The following WDR64 variants were observed in gnomAD, a reference collection of about 807,000 sequenced individuals.
The protein encoded by WDR64 is WD repeat domain 64.
WDR64 carries 112 observed loss-of-function variants against 139.3 expected under a neutral mutation model. That is an observed-to-expected ratio of 0.80 (90% confidence interval 0.69 to 0.94). The LOEUF is 0.94. WDR64 is among the 40% of genes least tolerant of loss of function. The pLI, the probability that WDR64 is intolerant of heterozygous loss-of-function variation, is 0.00. For synonymous variants in WDR64, 444 were observed against 437.7 expected (o/e 1.01, Z -0.18); for missense variants, 1,206 against 1,293.1 (o/e 0.93, Z 1.03).
chr1:241,789,640 T>C (rs932205457), intron 24 of WDR64, among the ~76,000 whole-genome samples: 2 of 152,146 alleles, frequency 1.3e-5, no homozygotes, highest in Non-Finnish European at 2.9e-5. Flanking sequence ...GAAAACCTAA[T>C]ACTGCATGTT....
intron 3 of WDR64, among the ~76,000 whole-genome samples, chr1:241,672,702 G>A (rs1294813418): frequency 3.3e-5 from 5 of 152,194 alleles, no homozygotes; most frequent in Non-Finnish European, 5.9e-5. Context: ...AAGCAGGAAT[G>A]TGGGAAGGAG....
At chr1:241,783,432 GTAAAGGATTT>G in intron 23 of WDR64, 51 bp downstream of exon 23, 1 of 1,395,776 alleles carries the variant, frequency 7.2e-7, no homozygotes. Context: ...AGCATGAGAG[GTAAAGGATTT>G]TAAGCTAAAG....
At chr1:241,701,721 A>C (rs950168328) in intron 8 of WDR64, among the ~76,000 whole-genome samples, 7 of 152,086 alleles carry the variant, frequency 4.6e-5, no homozygotes, top group African/African-American at 1.7e-4. Context: ...CTTGGGCCAC[A>C]CTCCTAAATC....
intron 22 of WDR64, among the ~76,000 whole-genome samples, chr1:241,781,419 G>T (rs12747803): frequency 1.1e-4 from 16 of 152,074 alleles, no homozygotes; most frequent in African/African-American, 3.1e-4. Flanking sequence ...ATAGAACCTG[G>T]CTATAAAATG....
intron 13 of WDR64, among the ~76,000 whole-genome samples, chr1:241,745,333 G>T (rs1257303406): frequency 8.3e-6 from 1 of 120,202 alleles, no homozygotes; most frequent in Non-Finnish European, 1.9e-5. Flanking sequence ...GAGTTGATGG[G>T]GTATGAATAA....
Position 241,683,596 on chromosome 1 carries a change from G to T in WDR64, c.734G>T (p.Gly245Val). The change falls in exon 7 of 28, where the codon GGT (glycine) becomes GTT (valine). Residue 245 changes from glycine to valine, a missense_variant. Coordinates refer to ENST00000437684, the MANE Select transcript of WDR64 (RefSeq NM_001367482.1). ...GACATCCTCTTGGGGGATGATGGGG[G>T]TTTTGTGAACAGATTCACAGTCAAC... ...RDDILLGDDG[G>V]FVNRFTVNSD... The T allele has an allele frequency of 1.9e-6, 3 of 1,551,606 alleles. No individual in the cohort carries two copies. The highest frequency in any genetic ancestry group is 2.6e-6 in the Non-Finnish European group (3 of 1,146,976).
rs56011225 is a variant in WDR64, at chr1:241,658,284, G to GGTGTGTGTGTGT, written c.146-2227_146-2216dup. On this transcript the variant is annotated intron_variant, in intron 1 of 27. Transcript: ENST00000437684. ...TTGACAAAATCAAGATTCAAGCAAT[G>GGTGTGTGTGTGT]GTGTGTGTGTGTGTGTGTGTGTGTG... Among the ~76,000 whole-genome samples the GGTGTGTGTGTGT allele has an allele frequency of 8.3e-3, 1,224 of 147,232 alleles. 16 individuals are homozygous for GGTGTGTGTGTGT. The highest frequency in any genetic ancestry group is 0.028 in the African/African-American group (1,114 of 39,822).
chr1:241,712,070 T>C (rs1668192610), intron 9 of WDR64, among the ~76,000 whole-genome samples, 189 bp downstream of exon 9: 1 of 152,346 alleles, frequency 6.6e-6, no homozygotes, highest in Middle Eastern at 3.4e-3. Context: ...CCCAAGAGTG[T>C]GTGAGAGAAA....
chr1:241,736,985 CAATAA>C (rs1399285909), intron 10 of WDR64, among the ~76,000 whole-genome samples: 1 of 152,120 alleles, frequency 6.6e-6, no homozygotes, highest in African/African-American at 2.4e-5. Context: ...TTAGCCAAGG[CAATAA>C]AATAAAAAAC....
intron 4 of WDR64, chr1:241,677,262 AAG>A (rs1197530792): frequency 1.3e-5 from 5 of 398,088 alleles, no homozygotes; most frequent in African/African-American, 1.0e-4. Context: ...TATATAGAGA[AAG>A]AGAAACAGAA....
chr1:241,784,953 G>GGATA (rs766802128), intron 23 of WDR64, among the ~76,000 whole-genome samples: 1 of 62,250 alleles, frequency 1.6e-5, no homozygotes, highest in Non-Finnish European at 3.1e-5. Context: ...GACTCTGTCT[G>GGATA]AAAAAAAAAA....
rs190767052 is a variant in WDR64 at position 241,747,874 on chromosome 1, C to T, written c.1595-1673C>T. On this transcript the variant is annotated intron_variant, in intron 13 of 27. Coordinates refer to ENST00000437684, the MANE Select transcript of WDR64 (RefSeq NM_001367482.1). The stretch of plus-strand genomic sequence containing the variant: ...AGTGATGAGAAGGAAATTGGGCTGG[C>T]ATTCAGGTGGGTGAGAATGTAGTCA... Among the ~76,000 whole-genome samples the T allele has an allele frequency of 4.8e-3, 738 of 152,278 alleles. 5 individuals carry two copies. The highest frequency in any genetic ancestry group is 0.017 in the African/African-American group (706 of 41,566).
rs140795124 is a variant in WDR64, at chr1:241,768,299, A to G, written c.2082-1105A>G. 8.8e-4 allele frequency among the ~76,000 whole-genome samples: 134 copies of G among 152,340 alleles called. 1 individual carries two copies. In the East Asian group the frequency reaches 0.023, roughly 26 times the overall value. On this transcript the variant is annotated intron_variant, in intron 16 of 27. Transcript: ENST00000437684. ...TAATCAGTGCAGTATTTTGCAAAAC[A>G]TATGATTTAGCACAGATCTGTGGAA...
At position 241,655,587 on chromosome 1, in the gene WDR64, C is replaced by A. The variant is rs1025917681; in HGVS notation, c.145+2958C>A. On this transcript the variant is annotated intron_variant, in intron 1 of 27. Transcript: ENST00000437684. ...CCAGCTTTTCAGTCTCAACTCCTGG[C>A]ATTTCCCTTCATGCACCTTCTGCCC... is the stretch of plus-strand genomic sequence containing the variant. Among the ~76,000 whole-genome samples the A allele has an allele frequency of 2.0e-5, 3 of 152,182 alleles. No individual in the cohort carries two copies. In the East Asian group the frequency reaches 5.8e-4, roughly 29 times the overall value.
chr1:241,739,960 G>A (rs1472840588), intron 11 of WDR64, among the ~76,000 whole-genome samples: 1 of 149,132 alleles, frequency 6.7e-6, no homozygotes, highest in Non-Finnish European at 1.5e-5. Context: ...GTATTTTGTT[G>A]CTGCTGTCAC....
chr1:241,678,848 A>G (rs1411834919), intron 5 of WDR64, among the ~76,000 whole-genome samples: 1 of 106,980 alleles, frequency 9.3e-6, no homozygotes, highest in African/African-American at 3.7e-5. Context: ...CTGAACCTCC[A>G]TTTCTTAAAC....
intron 15 of WDR64, among the ~76,000 whole-genome samples, chr1:241,759,578 C>A (rs1022988358): frequency 5.9e-5 from 9 of 152,116 alleles, no homozygotes; most frequent in Non-Finnish European, 1.0e-4. Flanking sequence ...AAATACTTGG[C>A]TCCCTCTCTA....
rs777780740 is a variant in WDR64 at position 241,796,244 on chromosome 1, T to G, written c.3079-13T>G. On this transcript the variant is annotated splice_polypyrimidine_tract_variant and intron_variant, in intron 26 of 27. Coordinates refer to ENST00000437684, the MANE Select transcript of WDR64 (RefSeq NM_001367482.1). ...CTTTGAGTGTGTCTCACTGACTAAT[T>G]TATGGCTTCCAGATATCAAGCCCCA... 3 of 1,596,396 alleles carry G rather than the reference T, an allele frequency of 1.9e-6. No homozygotes were observed. The highest frequency in any genetic ancestry group is 2.7e-5 in the African/African-American group (2 of 74,348).
chr1:241,652,757 T>A, intron 1 of WDR64, 128 bp downstream of exon 1: 1 of 1,101,748 alleles, frequency 9.1e-7, no homozygotes, highest in Non-Finnish European at 1.2e-6. Context: ...GATGAAGACC[T>A]CAGTTCTTGT....
Sources: gnomAD v4.1 joint callset for allele counts (sites outside exome capture counted in the v4.1 genomes callset) on GRCh38, gnomAD v4.1.1 for gene constraint, MANE v1.5 for transcripts, NCBI Gene and HGNC (gene_info 2026-07-23, HGNC 2026-07-21) for gene names.